The following PITPNM2 variants were observed in gnomAD, a reference collection of about 807,000 sequenced individuals.
The protein encoded by PITPNM2 is phosphatidylinositol transfer protein membrane associated 2.
PITPNM2 carries 35 observed loss-of-function variants against 132.2 expected under a neutral mutation model. The ratio of observed to expected loss-of-function variants is 0.26; its 90% CI spans 0.20 to 0.35. The LOEUF is 0.35. Among genes scored for constraint, PITPNM2 ranks in the 10% least tolerant of loss-of-function variants. The pLI, the probability that PITPNM2 is intolerant of heterozygous loss-of-function variation, is 1.00. For missense variants in PITPNM2, 1,332 were observed against 1,912.0 expected (o/e 0.70, Z 5.66); for synonymous variants, 738 against 799.2 (o/e 0.92, Z 1.29).
At chr12:123,145,182 T>C (rs2043589531) in intron 1 of PITPNM2, among the ~76,000 whole-genome samples, 1 of 151,752 alleles carries the variant, frequency 6.6e-6, no homozygotes, top group African/African-American at 2.4e-5. Context: ...TCACAAAAAA[T>C]AAAAAAAGAA....
At chr12:123,151,601 A>C (rs2137780658), upstream of PITPNM2, among the ~76,000 whole-genome samples, 2 of 151,974 alleles carry the variant, frequency 1.3e-5, no homozygotes, top group African/African-American at 2.4e-5. Flanking sequence ...GGCCCAGGGA[A>C]CGGCAGAGCC....
chr12:122,996,479 C>G lies in PITPNM2; in HGVS notation c.1761G>C (p.Arg587=), dbSNP rs780446974. 2 of 1,613,090 alleles carry G rather than the reference C, an allele frequency of 1.2e-6. No individual in the cohort carries two copies. The highest frequency in any genetic ancestry group is 1.7e-6 in the Non-Finnish European group (2 of 1,179,994). The change falls in exon 13 of 26, where the codon CGG becomes CGC. Residue 587 remains arginine (R), a synonymous_variant. Transcript: ENST00000320201. ...PVSESQSSSR[R]GSVVSMQDND... ...GTACCTGCATGCTGACCACGCTGCC[C>G]CGGCGGCTGCTGCTCTGACTCTCAG... is the stretch of plus-strand genomic sequence containing the variant.
At position 123,022,817 on chromosome 12, in the gene PITPNM2, G is replaced by A. The variant is rs920878563; in HGVS notation, c.79-8775C>T. Among the ~76,000 whole-genome samples the A allele has an allele frequency of 2.6e-5, 4 of 152,336 alleles. No individual in the cohort carries two copies. The highest frequency in any genetic ancestry group is 5.9e-5 in the Non-Finnish European group (4 of 68,034). ...GGGTAGCTGGTCTGGCAGGAATTGA[G>A]GGGAAGGGGAGGTCTGTTCCTGAAG... On this transcript the variant is annotated intron_variant, in intron 3 of 25. Coordinates refer to ENST00000320201, the MANE Select transcript of PITPNM2 (RefSeq NM_020845.3). The surrounding 1 kb of genome is among the most constrained non-coding windows in gnomAD (Gnocchi z 4.9).
At chr12:123,026,051 G>C (rs2039852845) in intron 3 of PITPNM2, among the ~76,000 whole-genome samples, 1 of 152,286 alleles carries the variant, frequency 6.6e-6, no homozygotes, top group Admixed American at 6.5e-5. Context: ...TCAAGGAAAA[G>C]ACCTCAGCAT....
chr12:123,092,359 T>C (rs568304330), intron 2 of PITPNM2: 2 of 152,400 alleles, frequency 1.3e-5, no homozygotes, highest in Non-Finnish European at 2.9e-5. Context: ...CTAGGCAACA[T>C]AGTGAAACCT....
At chr12:123,135,107 C>A (rs1477806105) in intron 1 of PITPNM2, among the ~76,000 whole-genome samples, 3 of 152,144 alleles carry the variant, frequency 2.0e-5, no homozygotes, top group Non-Finnish European at 4.4e-5. Context: ...AAACGCCCCA[C>A]ACCAGCCAGC....
chr12:123,119,795 CTTT>C (rs112540065), intron 1 of PITPNM2, among the ~76,000 whole-genome samples: 4 of 141,084 alleles, frequency 2.8e-5, no homozygotes, highest in South Asian at 4.5e-4. Context: ...TCTTTTCTTT[CTTT>C]TTTTTTTTTT....
chr12:123,142,832 C>T (rs1460614354), intron 1 of PITPNM2, among the ~76,000 whole-genome samples: 1 of 150,662 alleles, frequency 6.6e-6, no homozygotes, highest in Non-Finnish European at 1.5e-5. Context: ...TGATTACCCA[C>T]ATGGGAAAAA....
intron 1 of PITPNM2, among the ~76,000 whole-genome samples, chr12:123,136,301 CA>C (rs955786944): frequency 1.7e-4 from 22 of 132,140 alleles, no homozygotes; most frequent in East Asian, 2.2e-4. Flanking sequence ...GACTCTGTCT[CA>C]AAAAAAAAAA....
chr12:123,146,070 C>A (rs2137710423), intron 1 of PITPNM2, among the ~76,000 whole-genome samples: 1 of 152,224 alleles, frequency 6.6e-6, no homozygotes, highest in East Asian at 1.9e-4. Flanking sequence ...AAACCAAACA[C>A]CACAAGTTCT....
chr12:123,063,619 G>A lies in PITPNM2; in HGVS notation c.-95-28934C>T, dbSNP rs57977446. Among the ~76,000 whole-genome samples the A allele has an allele frequency of 3.7e-3, 558 of 152,258 alleles. 4 individuals carry two copies. Among genetic ancestry groups the A allele is most frequent in the African/African-American group, 0.013 (526 of 41,550 alleles). ...TCTCTGTCCTACACCAGGGCTCTCTGGTCAGAATGCAGATGAGACCTACTG... is the reference window on the plus strand; with the variant it reads ...TCTCTGTCCTACACCAGGGCTCTCTAGTCAGAATGCAGATGAGACCTACTG... On this transcript the variant is annotated intron_variant, in intron 2 of 25. Coordinates refer to ENST00000320201, the MANE Select transcript of PITPNM2 (RefSeq NM_020845.3).
chr12:123,091,000 G>A (rs1352014788), intron 2 of PITPNM2: 1 of 152,316 alleles, frequency 6.6e-6, no homozygotes, highest in Non-Finnish European at 1.5e-5. Flanking sequence ...GGTGAGCCAT[G>A]TAGTGAGAAT....
intron 1 of PITPNM2, among the ~76,000 whole-genome samples, chr12:123,138,429 G>C (rs1175601387): frequency 1.3e-5 from 2 of 152,076 alleles, no homozygotes; most frequent in Non-Finnish European, 2.9e-5. Flanking sequence ...AACAGAGAGA[G>C]ACCCTGTTTC....
intron 11 of PITPNM2, 120 bp from the exon 12 acceptor site, chr12:122,997,030 C>T: frequency 9.0e-7 from 1 of 1,108,356 alleles, no homozygotes. Flanking sequence ...CCCTTCCCGG[C>T]CAGGGCCTGG....
intron 10 of PITPNM2, among the ~76,000 whole-genome samples, chr12:122,998,052 TAC>T (rs1397217583): frequency 1.3e-5 from 2 of 152,158 alleles, no homozygotes; most frequent in Non-Finnish European, 2.9e-5. Flanking sequence ...AGCTCAAAGT[TAC>T]AGAGGTCACC....
intron 2 of PITPNM2, among the ~76,000 whole-genome samples, chr12:123,054,484 A>G (rs995978377): frequency 6.6e-6 from 1 of 152,186 alleles, no homozygotes; most frequent in African/African-American, 2.4e-5. Flanking sequence ...CTTGGGGTCA[A>G]AGAGAGAATG....
chr12:123,104,287 C>A (rs1375359728), intron 2 of PITPNM2, among the ~76,000 whole-genome samples: 1 of 152,230 alleles, frequency 6.6e-6, no homozygotes, highest in East Asian at 1.9e-4. Flanking sequence ...CCCACACACC[C>A]GCTGCCTCTC....
At chr12:123,066,016 CTTG>C (rs2136834722) in intron 2 of PITPNM2, among the ~76,000 whole-genome samples, 1 of 152,334 alleles carries the variant, frequency 6.6e-6, no homozygotes, top group East Asian at 1.9e-4. Context: ...AGCCTTGTCC[CTTG>C]TTGTATCCAG....
intron 2 of PITPNM2, chr12:123,084,727 T>A (rs1022625939): frequency 6.6e-6 from 1 of 152,180 alleles, no homozygotes; most frequent in African/African-American, 2.4e-5. Context: ...AAAACAAGAA[T>A]AAATCAGTTC....
Sources: gnomAD v4.1 joint callset for allele counts (sites outside exome capture counted in the v4.1 genomes callset) on GRCh38, gnomAD v4.1.1 for gene constraint, Gnocchi (gnomAD v3.1) non-coding constraint, MANE v1.5 for transcripts, NCBI Gene and HGNC (gene_info 2026-07-23, HGNC 2026-07-21) for gene names.